Variants in CRB1 observed in about 807,000 individuals in gnomAD.
The protein encoded by CRB1 is protein crumbs homolog 1.
CRB1 carries 83 observed loss-of-function variants against 120.0 expected under a neutral mutation model. The observed-to-expected ratio is 0.69, with a 90% CI of 0.58 to 0.83. The LOEUF is 0.83. CRB1 is among the 40% of genes least tolerant of loss of function. CRB1 has a pLI of 0.00. For missense variants in CRB1, 1,699 were observed against 1,687.6 expected, an observed-to-expected ratio of 1.01 and a Z score of -0.12; for synonymous variants, 625 against 612.5, an observed-to-expected ratio of 1.02 and a Z score of -0.30.
intron 11 of CRB1, among the ~76,000 whole-genome samples, chr1:197,456,904 AGAG>A (rs1192486443): frequency 1.3e-5 from 2 of 152,148 alleles, no homozygotes; most frequent in Non-Finnish European, 2.9e-5. Flanking sequence ...TAGTGGTTTG[AGAG>A]GAGGAGTGGA....
chr1:197,329,086 A>G, intron 2 of CRB1, 83 bp downstream of exon 2: 1 of 1,216,448 alleles, frequency 8.2e-7, no homozygotes, highest in Non-Finnish European at 1.2e-6. Flanking sequence ...TTTATTTTTC[A>G]CACAATCATT....
At chr1:197,413,192 C>T (rs1663799401) in intron 5 of CRB1, among the ~76,000 whole-genome samples, 1 of 152,028 alleles carries the variant, frequency 6.6e-6, no homozygotes, top group Admixed American at 6.6e-5. Context: ...TAAAAAGAAA[C>T]AAAAAAGAAT....
intron 1 of CRB1, among the ~76,000 whole-genome samples, chr1:197,290,314 A>T (rs1171371202): frequency 7.3e-6 from 1 of 136,900 alleles, no homozygotes; most frequent in Non-Finnish European, 1.5e-5. Flanking sequence ...GTTTGAAGAG[A>T]AGTGGATCTC....
Position 197,421,587 on chromosome 1 carries a change from T to C in CRB1, c.1759T>C (p.Cys587Arg). ...GACCCTTACCTTAATCGACGACTCC[T>C]GTAAGGAGAAATGCATCGCGAAAGC... ...AVTLTLIDDS[C>R]KEKCIAKAPT... The change falls in exon 6 of 12, where the codon TGT (cysteine) becomes CGT (arginine). Residue 587 changes from cysteine (C) to arginine (R), a missense_variant. Transcript: ENST00000367400. 6.2e-7 allele frequency: 1 copy of C among 1,614,222 alleles called. No individual in the cohort carries two copies. The highest frequency in any genetic ancestry group is 8.5e-7 in the Non-Finnish European group (1 of 1,180,036).
chr1:197,405,765 C>G (rs1420210779), intron 5 of CRB1, among the ~76,000 whole-genome samples: 7 of 151,540 alleles, frequency 4.6e-5, no homozygotes, highest in African/African-American at 1.7e-4. Context: ...GCCTGGCAAC[C>G]GCCCCATCTG....
At chr1:197,442,318 C>G in intron 11 of CRB1, 26 bp downstream of exon 11, 2 of 1,614,068 alleles carry the variant, frequency 1.2e-6, no homozygotes, top group Non-Finnish European at 1.7e-6. Flanking sequence ...TTTTATGTCT[C>G]TCTCTTATTC....
intron 5 of CRB1, among the ~76,000 whole-genome samples, chr1:197,390,724 G>A (rs1662462991): frequency 6.6e-6 from 1 of 151,994 alleles, no homozygotes; most frequent in Non-Finnish European, 1.5e-5. Flanking sequence ...TTTTTTAATT[G>A]TAGCTAAAAT....
chr1:197,300,528 A>G lies in CRB1; in HGVS notation c.71-27894A>G, dbSNP rs377392225. Among the ~76,000 whole-genome samples, 3 of 152,246 alleles carry G rather than the reference A, an allele frequency of 2.0e-5. No individual in the cohort carries two copies. In the East Asian group the frequency reaches 5.8e-4, roughly 29 times the overall value. On this transcript the variant is annotated intron_variant, in intron 1 of 11. Coordinates refer to ENST00000367400, the MANE Select transcript of CRB1 (RefSeq NM_201253.3). ...TCTATGAAGGCTGAGAGAAATAAGG[A>G]AGCTGCAGAAGAAAAGTTGGAAGCT...
intron 5 of CRB1, among the ~76,000 whole-genome samples, chr1:197,376,671 CTCAACTACT>C (rs1390137780): frequency 1.3e-5 from 2 of 152,164 alleles, no homozygotes; most frequent in Non-Finnish European, 2.9e-5. Flanking sequence ...CATGTCTCAC[CTCAACTACT>C]TCAATAGCCT....
intron 5 of CRB1, among the ~76,000 whole-genome samples, chr1:197,366,798 T>C (rs1661102136): frequency 6.6e-6 from 1 of 152,194 alleles, no homozygotes; most frequent in Non-Finnish European, 1.5e-5. Context: ...ACCAAAAGTC[T>C]CATTTGGTAA....
Position 197,427,448 on chromosome 1 carries a change from T to C in CRB1, c.2129-6T>C. On this transcript the variant is annotated splice_region_variant and splice_polypyrimidine_tract_variant and intron_variant, in intron 6 of 11. Coordinates refer to ENST00000367400, the MANE Select transcript of CRB1 (RefSeq NM_201253.3). ...TTTCTCCTCCTCCTCTATTTTGACA[T>C]TGAAGAGTATGTGGCAGGCAGATTT... 1 of 1,613,428 alleles carries C rather than the reference T, an allele frequency of 6.2e-7. No individual in the cohort carries two copies. The highest frequency in any genetic ancestry group is 1.1e-5 in the South Asian group (1 of 91,050).
At chr1:197,228,042 T>C in the CRB1 span, among the ~76,000 whole-genome samples, 1 of 152,158 alleles carries the variant, frequency 6.6e-6, no homozygotes, top group East Asian at 1.9e-4. Flanking sequence ...GTCCCTAGGC[T>C]TCACACAGCA....
the CRB1 span, among the ~76,000 whole-genome samples, chr1:197,207,878 C>T: frequency 6.6e-6 from 1 of 151,918 alleles, no homozygotes; most frequent in Non-Finnish European, 1.5e-5. Flanking sequence ...GGTCATTTAA[C>T]ATAATCCCAA....
intron 1 of CRB1, among the ~76,000 whole-genome samples, chr1:197,295,966 T>A (rs1192210338): frequency 8.5e-6 from 1 of 116,986 alleles, no homozygotes; most frequent in Non-Finnish European, 1.8e-5. Context: ...TTAACTCTTC[T>A]AAGATTTAAA....
At chr1:197,323,349 G>T (rs1430593987) in intron 1 of CRB1, among the ~76,000 whole-genome samples, 1 of 152,138 alleles carries the variant, frequency 6.6e-6, no homozygotes, top group Non-Finnish European at 1.5e-5. Context: ...AATTGACATT[G>T]AAATTATATC....
At chr1:197,259,890 C>T in the CRB1 span, among the ~76,000 whole-genome samples, 1 of 151,884 alleles carries the variant, frequency 6.6e-6, no homozygotes, top group African/African-American at 2.4e-5. Context: ...TGGCTCATGC[C>T]TGCAATCCCA....
rs1358148764 is a variant in CRB1, at chr1:197,282,438, A to C, written c.70+13956A>C. Among the ~76,000 whole-genome samples the C allele has an allele frequency of 2.0e-5, 3 of 151,850 alleles. No individual in the cohort carries two copies. In the East Asian group the frequency reaches 5.8e-4, roughly 29 times the overall value. On this transcript the variant is annotated intron_variant, in intron 1 of 11. Coordinates refer to ENST00000367400, the MANE Select transcript of CRB1 (RefSeq NM_201253.3). Reference sequence around the variant, plus strand: ...GTAACTCTTCTAGGAGAAATAGTTGAAAATGAGAGCAAAAAATAGCATGTG... The same window carrying C: ...GTAACTCTTCTAGGAGAAATAGTTGCAAATGAGAGCAAAAAATAGCATGTG...
At chr1:197,329,091 A>G (rs1217442023) in intron 2 of CRB1, 88 bp downstream of exon 2, 1 of 1,175,468 alleles carries the variant, frequency 8.5e-7, no homozygotes, top group Non-Finnish European at 1.2e-6. Flanking sequence ...TTTTCACACA[A>G]TCATTTATGA....
At chr1:197,388,908 A>C (rs1353599499) in intron 5 of CRB1, among the ~76,000 whole-genome samples, 1 of 152,148 alleles carries the variant, frequency 6.6e-6, no homozygotes, top group African/African-American at 2.4e-5. Context: ...TGAATTAGAC[A>C]TTTCTCCAAA....
Sources: allele counts gnomAD v4.1 joint callset (sites outside exome capture counted in the v4.1 genomes callset), GRCh38; gene constraint gnomAD v4.1.1; transcripts MANE v1.5; gene names NCBI Gene and HGNC (gene_info 2026-07-23, HGNC 2026-07-21).